The following TNKS variants were observed in gnomAD, a reference collection of about 807,000 sequenced individuals.
TNKS encodes poly [ADP-ribose] polymerase tankyrase-1.
Under a neutral mutation model 135.8 loss-of-function variants are expected in TNKS, and 72 were observed. The observed-to-expected ratio is 0.53, with a 90% CI of 0.44 to 0.64. The LOEUF (loss-of-function observed/expected upper bound fraction) is 0.64, where lower values mean the gene tolerates loss of function less well. Ranked by LOEUF, TNKS falls within the 30% of genes least tolerant of loss-of-function variation. TNKS has a pLI of 0.00. For missense variants in TNKS, 1,769 were observed against 1,674.0 expected (o/e 1.06, Z -0.99); for synonymous variants, 849 against 649.3 (o/e 1.31, Z -4.68).
chr8:9,702,005 A>G (rs373140044), intron 5 of TNKS, among the ~76,000 whole-genome samples: 18 of 152,194 alleles, frequency 1.2e-4, no homozygotes, highest in Non-Finnish European at 2.2e-4. Context: ...AGCCATAGTA[A>G]AAAGCCCTCA....
chr8:9,716,951 G>C (rs1399489444), intron 11 of TNKS, among the ~76,000 whole-genome samples: 1 of 150,738 alleles, frequency 6.6e-6, no homozygotes, highest in Non-Finnish European at 1.5e-5. Context: ...TGTTGAGTAC[G>C]AGCATTCATT....
chr8:9,678,962 C>G (rs1368959155), intron 3 of TNKS, among the ~76,000 whole-genome samples: 1 of 152,078 alleles, frequency 6.6e-6, no homozygotes, highest in Non-Finnish European at 1.5e-5. Flanking sequence ...CCTGGCTGTT[C>G]TTTTTATTTA....
At chr8:9,580,063 C>T in intron 1 of TNKS, 96 bp from the exon 2 acceptor site, 1 of 991,358 alleles carries the variant, frequency 1.0e-6, no homozygotes. Context: ...TGCAGTACTT[C>T]AGTTGTTCAT....
At chr8:9,702,802 G>C (rs963213523) in intron 5 of TNKS, among the ~76,000 whole-genome samples, 1 of 152,126 alleles carries the variant, frequency 6.6e-6, no homozygotes, top group Non-Finnish European at 1.5e-5. Context: ...GATCACTTGA[G>C]GTCAGGAGTT....
chr8:9,772,849 G>GTC (rs1808009254), intron 26 of TNKS, among the ~76,000 whole-genome samples: 1 of 139,308 alleles, frequency 7.2e-6, no homozygotes, highest in Non-Finnish European at 1.5e-5. Context: ...GTGTGTGTGT[G>GTC]TGTGTGTGTG....
In TNKS at chr8:9,584,122, C is replaced by A. The variant is rs536482800; in HGVS notation, c.898+3739C>A. ...GAGCTTGCAGTGAGCCGAGATTACACCACTGCACTCCAGTCTGGGTGACAG... is the reference window on the plus strand; with the variant it reads ...GAGCTTGCAGTGAGCCGAGATTACAACACTGCACTCCAGTCTGGGTGACAG... On this transcript the variant is annotated intron_variant, in intron 2 of 26. Coordinates refer to ENST00000310430, the MANE Select transcript of TNKS (RefSeq NM_003747.3). Among the ~76,000 whole-genome samples the A allele has an allele frequency of 7.5e-5, 11 of 146,506 alleles. No homozygotes were observed. In the East Asian group the frequency reaches 2.0e-3, roughly 27 times the overall value.
intron 1 of TNKS, chr8:9,556,891 A>G: frequency 1.9e-6 from 1 of 539,714 alleles, no homozygotes; most frequent in Non-Finnish European, 3.3e-6. Context: ...ATATATTTAC[A>G]CTTTAGTTTT....
chr8:9,643,284 A>G lies in TNKS; in HGVS notation c.994+27607A>G, dbSNP rs924766566. On this transcript the variant is annotated intron_variant, in intron 3 of 26. Transcript: ENST00000310430. ...AAAGAAGTTTATTTTTTTCAGTTCT[A>G]GAAGCTGAGAAGTCCAAGGTTGAGG... Among the ~76,000 whole-genome samples the G allele has an allele frequency of 1.6e-4, 24 of 145,906 alleles. 2 individuals carry two copies. In the Admixed American group the frequency reaches 1.7e-3, roughly 10 times the overall value.
rs968355257 is a variant in TNKS at position 9,776,696 on chromosome 8, C to T, written c.3944C>T (p.Ala1315Val). The change falls in exon 27 of 27, where the codon GCC (alanine) becomes GTC (valine). Residue 1315 changes from alanine to valine, a missense_variant. Around this residue, in one of 5 missense-constraint regions of TNKS, gnomAD observed 722 missense variants for 688.9 expected, o/e 1.05. Transcript: ENST00000310430. ...LITYQIMKPEAPSQTATAAEQ... is the reference protein window; with the variant it reads ...LITYQIMKPEVPSQTATAAEQ... ...ACTTACCAGATCATGAAGCCAGAAG[C>T]CCCTTCCCAGACCGCAACAGCCGCA... 2 of 1,614,052 alleles carry T rather than the reference C, an allele frequency of 1.2e-6. No individual in the cohort carries two copies. Among genetic ancestry groups the T allele is most frequent in the Non-Finnish European group, 1.7e-6 (2 of 1,179,942 alleles).
At chr8:9,769,116 G>A (rs1172769181) in intron 25 of TNKS, among the ~76,000 whole-genome samples, 1 of 152,170 alleles carries the variant, frequency 6.6e-6, no homozygotes, top group Non-Finnish European at 1.5e-5. Context: ...TTTAGGTTTT[G>A]CAGGTCATAC....
intron 18 of TNKS, among the ~76,000 whole-genome samples, chr8:9,751,146 G>A (rs566185389): frequency 2.0e-4 from 30 of 152,284 alleles, no homozygotes; most frequent in Middle Eastern, 3.4e-3. Flanking sequence ...ACTATCTCCC[G>A]CATACTCGAA....
intron 18 of TNKS, 98 bp downstream of exon 18, chr8:9,748,310 TC>T: frequency 8.9e-7 from 1 of 1,120,670 alleles, no homozygotes; most frequent in African/African-American, 1.6e-5. Context: ...CGTGTTTATT[TC>T]ACTTAGAACA....
At chr8:9,756,276 C>A (rs1806830791) in intron 20 of TNKS, among the ~76,000 whole-genome samples, 1 of 152,008 alleles carries the variant, frequency 6.6e-6, no homozygotes, top group Non-Finnish European at 1.5e-5. Flanking sequence ...CTGTACCATA[C>A]AACCTTTTAA....
At chr8:9,557,605 A>G (rs1354606652) in intron 1 of TNKS, 3 of 152,152 alleles carry the variant, frequency 2.0e-5, no homozygotes, top group African/African-American at 7.2e-5. Flanking sequence ...TACGTTATAC[A>G]ATTCAAATAG....
chr8:9,575,927 G>C (rs894270196), intron 1 of TNKS, among the ~76,000 whole-genome samples: 6 of 152,172 alleles, frequency 3.9e-5, no homozygotes, highest in East Asian at 1.9e-4. Context: ...ACGTAGTAAG[G>C]GTTCTATGCC....
At chr8:9,764,827 C>T (rs1807338313) in intron 23 of TNKS, 37 bp downstream of exon 23, 7 of 1,516,518 alleles carry the variant, frequency 4.6e-6, no homozygotes, top group Non-Finnish European at 6.2e-6. Context: ...AACTGGATTG[C>T]AAGGCTTGCC....
intron 19 of TNKS, among the ~76,000 whole-genome samples, chr8:9,752,171 T>G (rs557993980): frequency 3.3e-5 from 5 of 152,194 alleles, no homozygotes; most frequent in Non-Finnish European, 5.9e-5. Flanking sequence ...TACATTTAGA[T>G]TTTTTAATTC....
At chr8:9,650,950 G>C (rs1389620070) in intron 3 of TNKS, among the ~76,000 whole-genome samples, 1 of 152,116 alleles carries the variant, frequency 6.6e-6, no homozygotes, top group Non-Finnish European at 1.5e-5. Context: ...GTTGTTTCAG[G>C]TCTTCGATTT....
intron 12 of TNKS, chr8:9,722,295 T>C (rs929496997): frequency 6.6e-6 from 1 of 152,098 alleles, no homozygotes; most frequent in African/African-American, 2.4e-5. Flanking sequence ...GAGATTATGA[T>C]ATGTGTATAT....
Sources: gnomAD v4.1 joint callset for allele counts (sites outside exome capture counted in the v4.1 genomes callset) on GRCh38, gnomAD v4.1.1 for gene constraint, gnomAD v4.1.1 regional missense constraint, MANE v1.5 for transcripts, NCBI Gene and HGNC (gene_info 2026-07-23, HGNC 2026-07-21) for gene names.